Variants in INTS10 observed in about 807,000 individuals in gnomAD.
The protein encoded by INTS10 is chromosome 8 open reading frame 35.
Under a neutral mutation model 94.4 loss-of-function variants are expected in INTS10, and 44 were observed. The observed-to-expected ratio is 0.47, with a 90% CI of 0.37 to 0.60. INTS10 has a LOEUF of 0.60. Ranked by LOEUF, INTS10 falls within the 20% of genes least tolerant of loss-of-function variation. The pLI is 0.00. For synonymous variants in INTS10, 341 were observed against 320.7 expected, an observed-to-expected ratio of 1.06 and a Z score of -0.68; for missense variants, 797 against 868.7, an observed-to-expected ratio of 0.92 and a Z score of 1.04.
chr8:19,832,781 G>T (rs1022311728), intron 11 of INTS10, among the ~76,000 whole-genome samples: 4 of 152,190 alleles, frequency 2.6e-5, no homozygotes, highest in Non-Finnish European at 5.9e-5. Context: ...GATAATTCAC[G>T]AATGAGGTGG....
intron 5 of INTS10, among the ~76,000 whole-genome samples, chr8:19,822,818 C>T (rs759156391): frequency 2.6e-5 from 4 of 151,908 alleles, no homozygotes; most frequent in Admixed American, 6.6e-5. Context: ...GGCATGGTGG[C>T]GCACGCCTGT....
intron 3 of INTS10, 65 bp from the exon 4 acceptor site, chr8:19,820,313 CA>C: frequency 6.6e-7 from 1 of 1,506,440 alleles, no homozygotes; most frequent in Non-Finnish European, 9.1e-7. Flanking sequence ...ATGCCTTACT[CA>C]GCACTGTTGC....
At chr8:19,844,278 T>A in intron 15 of INTS10, 40 bp downstream of exon 15, 1 of 1,368,042 alleles carries the variant, frequency 7.3e-7, no homozygotes, top group Non-Finnish European at 1.0e-6. Flanking sequence ...CATTCTGATT[T>A]TCTTTAGAAT....
Position 19,818,359 on chromosome 8 carries a change from A to C in INTS10, c.197+17A>C. The C allele has an allele frequency of 6.2e-7, 1 of 1,612,508 alleles. No individual in the cohort carries two copies. Among genetic ancestry groups the C allele is most frequent in the Non-Finnish European group, 8.5e-7 (1 of 1,179,216 alleles). ...GTACGACATGTGAGTGGGACGCTTG[A>C]CATCACTTTTACTGCACTGAATCTC... On this transcript the variant is annotated intron_variant, in intron 2 of 16. Coordinates refer to ENST00000397977, the MANE Select transcript of INTS10 (RefSeq NM_018142.4).
At chr8:19,845,822 C>T (rs748026158) in intron 16 of INTS10, 25 bp downstream of exon 16, 1 of 1,485,964 alleles carries the variant, frequency 6.7e-7, no homozygotes, top group Admixed American at 1.7e-5. Context: ...TTTTGCTCTT[C>T]CATGCTGAGT....
chr8:19,819,777 G>A (rs1229478276), intron 3 of INTS10, 101 bp downstream of exon 3: 2 of 831,536 alleles, frequency 2.4e-6, no homozygotes, highest in Admixed American at 2.2e-5. Flanking sequence ...GTAACCATAT[G>A]TATGTTTTAT....
At chr8:19,820,315 G>T in intron 3 of INTS10, 64 bp from the exon 4 acceptor site, 1 of 1,514,558 alleles carries the variant, frequency 6.6e-7, no homozygotes, top group South Asian at 1.2e-5. Flanking sequence ...GCCTTACTCA[G>T]CACTGTTGCT....
At position 19,846,775 on chromosome 8, in the gene INTS10, A is replaced by C. The variant is rs1238861242; in HGVS notation, c.1976+978A>C. The stretch of plus-strand genomic sequence containing the variant: ...CTCATAAATCTTGCTTCTCTCCTTC[A>C]ATCCTCATTGTAGTTTGGGTAATAT... On this transcript the variant is annotated intron_variant, in intron 16 of 16. Coordinates refer to ENST00000397977, the MANE Select transcript of INTS10 (RefSeq NM_018142.4). This position sits in a 1 kb window ranked among gnomAD's most constrained non-coding sequence, Gnocchi z 4.2. Among the ~76,000 whole-genome samples the C allele has an allele frequency of 6.6e-6, 1 of 152,138 alleles. No individual in the cohort carries two copies. The highest frequency in any genetic ancestry group is 1.9e-4 in the East Asian group (1 of 5,190).
chr8:19,825,135 G>C (rs2066693723), intron 8 of INTS10, among the ~76,000 whole-genome samples, 163 bp downstream of exon 8: 1 of 152,162 alleles, frequency 6.6e-6, no homozygotes, highest in African/African-American at 2.4e-5. Context: ...TGGCTTAATT[G>C]GTAGTTTTTA....
chr8:19,834,945 G>C (rs993931882), intron 12 of INTS10, among the ~76,000 whole-genome samples: 1 of 151,934 alleles, frequency 6.6e-6, no homozygotes, highest in Non-Finnish European at 1.5e-5. Context: ...CTCTGATAAG[G>C]GCACGAATCC....
At chr8:19,845,085 G>T (rs1429862475) in intron 15 of INTS10, among the ~76,000 whole-genome samples, 1 of 151,962 alleles carries the variant, frequency 6.6e-6, no homozygotes, top group African/African-American at 2.4e-5. Flanking sequence ...TTTAACCATG[G>T]TTTGGGACAG....
intron 12 of INTS10, among the ~76,000 whole-genome samples, chr8:19,834,559 A>G (rs145554060): frequency 2.6e-5 from 4 of 152,324 alleles, no homozygotes; most frequent in African/African-American, 4.8e-5. Flanking sequence ...GTAGTAGGGA[A>G]TATAAACTAC....
intron 3 of INTS10, among the ~76,000 whole-genome samples, chr8:19,820,074 C>T (rs575601266): frequency 6.6e-6 from 1 of 152,236 alleles, no homozygotes; most frequent in Non-Finnish European, 1.5e-5. Context: ...ATGCATAGGT[C>T]ATTTGAACTT....
chr8:19,833,433 C>T (rs1276569590), intron 12 of INTS10, 112 bp downstream of exon 12: 31 of 744,538 alleles, frequency 4.2e-5, no homozygotes, highest in Non-Finnish European at 5.9e-5. Context: ...TTTGATCTTT[C>T]TGCCTAGATT....
chr8:19,844,136 C>T lies in INTS10; in HGVS notation c.1780C>T (p.Gln594Ter), dbSNP rs767038227. The change falls in exon 15 of 17, where the codon CAG (glutamine) becomes TAG (stop). Residue 594 changes from glutamine (Q) to a stop codon, truncating the protein, a stop_gained. Transcript: ENST00000397977. LOFTEE classifies it high-confidence loss of function. ...MALGHVIVLL[Q>*]QEWPRGENLF... ...ATTGGGGCATGTGATTGTGTTGCTT[C>T]AGCAAGAGTGGCCACGGGGCGAGAA... 6.2e-7 allele frequency: 1 copy of T among 1,613,974 alleles called. No individual in the cohort carries two copies. The highest frequency in any genetic ancestry group is 2.2e-5 in the East Asian group (1 of 44,882).
At chr8:19,839,571 C>T (rs930462751) in intron 13 of INTS10, among the ~76,000 whole-genome samples, 6 of 151,842 alleles carry the variant, frequency 4.0e-5, no homozygotes, top group Admixed American at 2.6e-4. Flanking sequence ...TAGTGGTGTG[C>T]ACCTGTAGTT....
intron 13 of INTS10, among the ~76,000 whole-genome samples, chr8:19,840,354 C>T (rs948447222): frequency 3.3e-5 from 5 of 152,126 alleles, no homozygotes; most frequent in African/African-American, 4.8e-5. Context: ...GTTCTCCCCA[C>T]GTGTATCTGT....
rs144529885 is a variant in INTS10 at position 19,823,251 on chromosome 8, C to G, written c.524-50C>G. The G allele has an allele frequency of 1.4e-4, 209 of 1,462,236 alleles. 2 individuals are homozygous for G. The East Asian group carries it at 3.9e-3, about 27-fold the overall frequency. The allele number at this position is 1,462,236 out of a possible 1,614,324, so 90.6% of individuals were successfully genotyped here. ...GAAAGCTTTTGTATTTATCGGAACT[C>G]TAGGGTAGACAACCTAATTAATTTA... On this transcript the variant is annotated intron_variant, in intron 5 of 16. Coordinates refer to ENST00000397977, the MANE Select transcript of INTS10 (RefSeq NM_018142.4).
chr8:19,826,661 G>A, intron 9 of INTS10, 102 bp downstream of exon 9: 1 of 1,094,658 alleles, frequency 9.1e-7, no homozygotes, highest in South Asian at 1.5e-5. Context: ...TAAAGCCTGG[G>A]TTTTAAAATT....
Sources: allele counts gnomAD v4.1 joint callset (sites outside exome capture counted in the v4.1 genomes callset), GRCh38; gene constraint gnomAD v4.1.1; non-coding constraint Gnocchi (gnomAD v3.1); transcripts MANE v1.5; gene names NCBI Gene and HGNC (gene_info 2026-07-23, HGNC 2026-07-21).